The following DUS4L variants were observed in gnomAD, a reference collection of about 807,000 sequenced individuals.
The protein encoded by DUS4L is tRNA-dihydrouridine(20a/20b) synthase [NAD(P)+]-like.
A neutral mutation model predicts 33.8 loss-of-function variants in DUS4L; 31 were observed. The observed-to-expected ratio is 0.92, with a 90% CI of 0.69 to 1.24. The LOEUF is 1.24. Ranked by LOEUF, DUS4L falls within the 50% of genes most tolerant of loss-of-function variation. The pLI is 0.00. For missense variants in DUS4L, 368 were observed against 388.6 expected, an observed-to-expected ratio of 0.95 and a Z score of 0.45; for synonymous variants, 103 against 120.3, an observed-to-expected ratio of 0.86 and a Z score of 0.94.
At chr7:107,574,622 G>T (rs1805566784) in intron 5 of DUS4L, among the ~76,000 whole-genome samples, 1 of 152,176 alleles carries the variant, frequency 6.6e-6, no homozygotes, top group East Asian at 1.9e-4. Flanking sequence ...ACAGGCCTGA[G>T]CCACCGCGCC....
At chr7:107,574,989 G>A in intron 5 of DUS4L, 199 bp from the exon 6 acceptor site, 4 of 652,716 alleles carry the variant, frequency 6.1e-6, no homozygotes, top group Non-Finnish European at 1.0e-5. Context: ...CATTTCTCCT[G>A]AGTACTTTTT....
At position 107,571,030 on chromosome 7, in the gene DUS4L, G is replaced by C. The variant is rs899646947; in HGVS notation, c.117-115G>C. The stretch of plus-strand genomic sequence containing the variant: ...TACTTAACAGGAATAATAGGGAAAA[G>C]TAAATCTCCTCCATCTCCCCATAGG... On this transcript the variant is annotated intron_variant, in intron 3 of 7. Transcript: ENST00000265720. 1.0e-5 allele frequency: 14 copies of C among 1,355,878 alleles called. No individual in the cohort carries two copies. The Admixed American group carries it at 1.1e-4, about 11-fold the overall frequency. The allele number at this position is 1,355,878 out of a possible 1,614,324, so 84.0% of individuals were successfully genotyped here.
At position 107,578,427 on chromosome 7, in the gene DUS4L, T is replaced by C. The variant is rs927364858; in HGVS notation, c.*867T>C. ...AAAACCGTTCATAATTAAAGTATTA[T>C]TTTGTTTTGCCAACATGAAAACTGT... On this transcript the variant is annotated 3_prime_UTR_variant, in exon 8 of 8. Transcript: ENST00000265720. 1.3e-5 allele frequency: 2 copies of C among 152,220 alleles called. No homozygotes were observed. The highest frequency in any genetic ancestry group is 2.9e-5 in the Non-Finnish European group (2 of 68,034). 9.4% of individuals were successfully genotyped at this position (152,220 alleles called of 1,614,324 possible). A position where few individuals can be genotyped will look rare whatever the true frequency, so the allele number is the denominator to read the frequency against.
At chr7:107,566,166 T>C (rs1174615205) in intron 2 of DUS4L, among the ~76,000 whole-genome samples, 3 of 152,240 alleles carry the variant, frequency 2.0e-5, no homozygotes, top group Non-Finnish European at 2.9e-5. Context: ...GTACCTTGGC[T>C]ATTTTTAATT....
In DUS4L at chr7:107,577,917, C is replaced by A; in HGVS notation, c.*357C>A. 6.2e-6 allele frequency: 1 copy of A among 160,956 alleles called. No homozygotes were observed. Among genetic ancestry groups the A allele is most frequent in the Admixed American group, 6.0e-5 (1 of 16,750 alleles). The allele number at this position is 160,956 out of a possible 1,614,324, so 10.0% of individuals were successfully genotyped here. On this transcript the variant is annotated 3_prime_UTR_variant, in exon 8 of 8. Transcript: ENST00000265720. ...TAACATTTTAAAATAAAATTTAATA[C>A]TAAGAAATTATGGCTTATAGTATCT...
At chr7:107,574,580 C>A (rs559333247) in intron 5 of DUS4L, among the ~76,000 whole-genome samples, 18 of 152,208 alleles carry the variant, frequency 1.2e-4, no homozygotes, top group African/African-American at 3.6e-4. Context: ...TCAGGTGATC[C>A]GCCCGCCTTG....
At chr7:107,572,652 C>G (rs1805356035) in intron 4 of DUS4L, among the ~76,000 whole-genome samples, 1 of 152,024 alleles carries the variant, frequency 6.6e-6, no homozygotes, top group African/African-American at 2.4e-5. Flanking sequence ...GAGTTTGAGA[C>G]CAGCCTGACC....
rs200901846 is a variant in DUS4L, at chr7:107,573,739, G to A, written c.274G>A (p.Asp92Asn). Reference sequence around the variant, plus strand: ...ATTGATTGTTCAGTTTGCTGCTAACGATGCAAGACTTTTATCTGATGCTGC... The same window carrying A: ...ATTGATTGTTCAGTTTGCTGCTAACAATGCAAGACTTTTATCTGATGCTGC... ...CPLIVQFAAN[D>N]ARLLSDAARI... is the part of the protein sequence containing the mutation. Residue 92 changes from aspartate to asparagine, a missense_variant, in exon 5 of 8, where the codon GAT becomes AAT. Coordinates refer to ENST00000265720, the MANE Select transcript of DUS4L (RefSeq NM_181581.3). 1.9e-5 allele frequency: 30 copies of A among 1,609,868 alleles called. No individual in the cohort carries two copies. The highest frequency in any genetic ancestry group is 1.7e-4 in the Middle Eastern group (1 of 6,052).
intron 3 of DUS4L, 89 bp from the exon 4 acceptor site, chr7:107,571,056 T>G: frequency 6.4e-7 from 1 of 1,550,770 alleles, no homozygotes; most frequent in Non-Finnish European, 8.8e-7. Context: ...TCCCCATAGG[T>G]AGAACTTTCT....
Position 107,575,270 on chromosome 7 carries a change from C to G in DUS4L, c.439C>G (p.Gln147Glu). The change falls in exon 6 of 8, where the codon CAA (glutamine) becomes GAA (glutamate). Residue 147 changes from glutamine to glutamate, a missense_variant. Physicochemically the swap from Gln to Glu is conservative, Grantham distance 29. Transcript: ENST00000265720. ...VQDMVKQVRN[Q>E]VETPGFSVSI... ...AGACATGGTGAAACAAGTAAGAAAT[C>G]AAGTGGAAACCCCTGGATTTTCAGT... 1 of 1,610,566 alleles carries G rather than the reference C, an allele frequency of 6.2e-7. No individual in the cohort carries two copies. Among genetic ancestry groups the G allele is most frequent in the African/African-American group, 1.3e-5 (1 of 74,730 alleles).
chr7:107,573,743 C>A lies in DUS4L; in HGVS notation c.278C>A (p.Ala93Glu). 1 of 1,610,518 alleles carries A rather than the reference C, an allele frequency of 6.2e-7. No homozygotes were observed. The change falls in exon 5 of 8, where the codon GCA (alanine) becomes GAA (glutamate). Residue 93 changes from alanine (A) to glutamate (E), a missense_variant. Physicochemically the swap from Ala to Glu is moderately radical, Grantham distance 107. Coordinates refer to ENST00000265720, the MANE Select transcript of DUS4L (RefSeq NM_181581.3). ...PLIVQFAAND[A>E]RLLSDAARIV... ...ATTGTTCAGTTTGCTGCTAACGATGCAAGACTTTTATCTGATGCTGCTCGT... is the reference window on the plus strand; with the variant it reads ...ATTGTTCAGTTTGCTGCTAACGATGAAAGACTTTTATCTGATGCTGCTCGT...
intron 6 of DUS4L, 77 bp downstream of exon 6, chr7:107,575,387 C>G: frequency 6.6e-7 from 1 of 1,505,784 alleles, no homozygotes; most frequent in Non-Finnish European, 9.0e-7. Context: ...TTGTCTGATG[C>G]TGTTGGGAGT....
intron 3 of DUS4L, among the ~76,000 whole-genome samples, chr7:107,568,204 T>G (rs1379777929): frequency 6.6e-6 from 1 of 152,186 alleles, no homozygotes; most frequent in Non-Finnish European, 1.5e-5. Flanking sequence ...TGTACCCAGA[T>G]GTAGAATTGC....
In DUS4L at chr7:107,577,405, A is replaced by C. The variant is rs1424091929; in HGVS notation, c.799A>C (p.Ile267Leu). 3 of 1,614,170 alleles carry C rather than the reference A, an allele frequency of 1.9e-6. No individual in the cohort carries two copies. Among genetic ancestry groups the C allele is most frequent in the Non-Finnish European group, 2.5e-6 (3 of 1,180,030 alleles). The change falls in exon 8 of 8, where the codon ATT becomes CTT. Residue 267 changes from isoleucine to leucine, a missense_variant. Ile to Leu is a conservative substitution (Grantham distance 5). Transcript: ENST00000265720. The part of the protein sequence containing the change: ...PLKCIWDWVD[I>L]ALELGTPYMC... ...GAAATGCATCTGGGACTGGGTTGACATTGCTCTTGAACTCGGGACTCCTTA... is the reference window on the plus strand; with the variant it reads ...GAAATGCATCTGGGACTGGGTTGACCTTGCTCTTGAACTCGGGACTCCTTA...
In DUS4L at chr7:107,567,039, G is replaced by A; in HGVS notation, c.-21-11G>A. The A allele has an allele frequency of 6.4e-7, 1 of 1,556,816 alleles. No individual in the cohort carries two copies. The highest frequency in any genetic ancestry group is 8.8e-7 in the Non-Finnish European group (1 of 1,136,722). The stretch of plus-strand genomic sequence containing the variant: ...CATATTTTCTCTATACAAGCTTATT[G>A]TCTTTTTCAGATTTGAAACATATCT... On this transcript the variant is annotated splice_polypyrimidine_tract_variant and intron_variant, in intron 2 of 7. Transcript: ENST00000265720.
intron 6 of DUS4L, 109 bp downstream of exon 6, chr7:107,575,419 A>G: frequency 8.1e-7 from 1 of 1,235,396 alleles, no homozygotes; most frequent in Non-Finnish European, 1.1e-6. Context: ...ATAAATTGGT[A>G]GCTGGTGTAT....
intron 5 of DUS4L, 103 bp from the exon 6 acceptor site, chr7:107,575,085 G>T: frequency 6.8e-7 from 1 of 1,470,622 alleles, no homozygotes; most frequent in South Asian, 1.2e-5. Context: ...TTCTCTTCCA[G>T]ATCACTAGAG....
At chr7:107,571,301 T>C (rs1187285007) in intron 4 of DUS4L, 35 bp downstream of exon 4, 24 of 1,579,234 alleles carry the variant, frequency 1.5e-5, no homozygotes, top group Non-Finnish European at 2.1e-5. Context: ...TTTGTAAAAC[T>C]TTTTAAATTT....
In DUS4L at chr7:107,573,804, C is replaced by T. The variant is rs767142547; in HGVS notation, c.339C>T (p.Asn113=). 7.7e-6 allele frequency: 12 copies of T among 1,560,628 alleles called. No individual in the cohort carries two copies. Among genetic ancestry groups the T allele is most frequent in the Middle Eastern group, 1.7e-4 (1 of 5,898 alleles). ...VCPYANGIDI[N]CGCPQRWAMA... is the part of the protein sequence containing the mutation. ...CTTATGCGAATGGAATAGACATTAACTGTGGTTGCCCTCAGAGGTAAAGCT... is the reference window on the plus strand; with the variant it reads ...CTTATGCGAATGGAATAGACATTAATTGTGGTTGCCCTCAGAGGTAAAGCT... The change falls in exon 5 of 8, where the codon AAC becomes AAT. Residue 113 remains asparagine, a synonymous_variant. Transcript: ENST00000265720.
Sources: gnomAD v4.1 joint callset for allele counts (sites outside exome capture counted in the v4.1 genomes callset) on GRCh38, gnomAD v4.1.1 for gene constraint, MANE v1.5 for transcripts, NCBI Gene and HGNC (gene_info 2026-07-23, HGNC 2026-07-21) for gene names.